XPO6: variants seen among roughly 807,000 people sequenced by gnomAD.
XPO6 encodes exportin 6.
In XPO6, 3 loss-of-function variants were observed where a neutral mutation model predicts 130.0. That is an observed-to-expected ratio of 0.02 (90% CI 0.01 to 0.06). XPO6 has a LOEUF of 0.06. Ranked by LOEUF, XPO6 falls within the 10% of genes least tolerant of loss-of-function variation. The pLI is 1.00. For synonymous variants in XPO6, 524 were observed against 548.9 expected, an observed-to-expected ratio of 0.95 and a Z score of 0.63; for missense variants, 970 against 1,393.0, an observed-to-expected ratio of 0.70 and a Z score of 4.83.
At position 28,098,379 on chromosome 16, in the gene XPO6, G is replaced by T; in HGVS notation, c.*159C>A. 1.6e-6 allele frequency: 1 copy of T among 628,162 alleles called. No homozygotes were observed. The highest frequency in any genetic ancestry group is 2.8e-6 in the Non-Finnish European group (1 of 362,872). The allele number at this position is 628,162 out of a possible 1,614,324, so 38.9% of individuals were successfully genotyped here. A position where few individuals can be genotyped will look rare whatever the true frequency, so the allele number is the denominator to read the frequency against. On this transcript the variant is annotated 3_prime_UTR_variant, in exon 24 of 24. Transcript: ENST00000304658. ...ACCCAGAAGCCAGCTCTGCTGGGCAGCGGCAAGATGTGGAGGAGCGGCAGA... is the reference window on the plus strand; with the variant it reads ...ACCCAGAAGCCAGCTCTGCTGGGCATCGGCAAGATGTGGAGGAGCGGCAGA...
chr16:28,147,170 C>A (rs571202613), intron 8 of XPO6, among the ~76,000 whole-genome samples: 1 of 152,306 alleles, frequency 6.6e-6, no homozygotes, highest in East Asian at 1.9e-4. Context: ...GAAATCTAGA[C>A]GTTTACAAGG....
At chr16:28,204,246 A>T (rs2043993354) in intron 1 of XPO6, among the ~76,000 whole-genome samples, 1 of 152,136 alleles carries the variant, frequency 6.6e-6, no homozygotes, top group South Asian at 2.1e-4. Flanking sequence ...CATTAATAAT[A>T]TTGAGTATAT....
intron 5 of XPO6, among the ~76,000 whole-genome samples, chr16:28,168,590 C>A (rs1462201910): frequency 1.4e-5 from 2 of 142,650 alleles, no homozygotes; most frequent in African/African-American, 2.6e-5. Context: ...ATGCCAAGTT[C>A]TTTTTCTTTT....
intron 1 of XPO6, among the ~76,000 whole-genome samples, chr16:28,208,481 T>A (rs573665622): frequency 6.6e-6 from 1 of 152,156 alleles, no homozygotes; most frequent in Non-Finnish European, 1.5e-5. Context: ...GACCCTGGGA[T>A]ACCTACAGAT....
At chr16:28,157,613 G>A (rs1479248704) in intron 6 of XPO6, among the ~76,000 whole-genome samples, 1 of 152,190 alleles carries the variant, frequency 6.6e-6, no homozygotes, top group Non-Finnish European at 1.5e-5. Context: ...CTACACATCA[G>A]TAAACACAAC....
chr16:28,168,398 G>A (rs921218586), intron 5 of XPO6, among the ~76,000 whole-genome samples: 11 of 151,992 alleles, frequency 7.2e-5, no homozygotes, highest in Admixed American at 1.3e-4. Flanking sequence ...TGGAAGGATC[G>A]CTTAGGCCCC....
intron 21 of XPO6, 110 bp downstream of exon 21, chr16:28,104,436 A>C: frequency 7.4e-7 from 1 of 1,342,646 alleles, no homozygotes; most frequent in South Asian, 1.4e-5. Flanking sequence ...ATCAATACTA[A>C]CAGGCAGAAC....
intron 9 of XPO6, among the ~76,000 whole-genome samples, chr16:28,138,461 C>CA (rs34200953): frequency 0.29 from 44,339 of 151,464 alleles, 6,616 homozygotes; most frequent in African/African-American, 0.34. Flanking sequence ...ACTCTGGCTG[C>CA]AAAAAAAACC....
chr16:28,178,331 A>G (rs895541901), intron 2 of XPO6, among the ~76,000 whole-genome samples: 5 of 152,052 alleles, frequency 3.3e-5, no homozygotes, highest in African/African-American at 7.2e-5. Flanking sequence ...CACTTTGAGA[A>G]GCTGAGGCAG....
chr16:28,104,640 C>T lies in XPO6; in HGVS notation c.2852G>A (p.Arg951Lys). 6.2e-7 allele frequency: 1 copy of T among 1,614,230 alleles called. No individual in the cohort carries two copies. Among genetic ancestry groups the T allele is most frequent in the South Asian group, 1.1e-5 (1 of 91,090 alleles). The change falls in exon 21 of 24, where the codon AGG (arginine) becomes AAG (lysine). Residue 951 changes from arginine (R) to lysine (K), a missense_variant. Coordinates refer to ENST00000304658, the MANE Select transcript of XPO6 (RefSeq NM_015171.4). ...LLFRTLHHNW[R>K]YFFKSTVLAS... ...CAGCACGGTGGACTTGAAGAAGTAC[C>T]TCCAGTTGTGATGGAGCGTCCGGAA...
At chr16:28,171,452 CAAAAAAAAAA>C (rs36000498) in intron 4 of XPO6, among the ~76,000 whole-genome samples, 1 of 99,092 alleles carries the variant, frequency 1.0e-5, no homozygotes, top group African/African-American at 4.1e-5. Flanking sequence ...GACTCTGTCT[CAAAAAAAAAA>C]AAAAAAAAAA....
At chr16:28,189,133 C>G (rs2043744481) in intron 1 of XPO6, among the ~76,000 whole-genome samples, 1 of 151,548 alleles carries the variant, frequency 6.6e-6, no homozygotes, top group Admixed American at 6.6e-5. Flanking sequence ...TTTTGTAGAG[C>G]TGGGGTTTCG....
intron 1 of XPO6, among the ~76,000 whole-genome samples, chr16:28,194,786 C>G (rs746938543): frequency 6.6e-6 from 1 of 152,042 alleles, no homozygotes; most frequent in African/African-American, 2.4e-5. Flanking sequence ...CGCCCAGGGT[C>G]TTTGCTACCT....
At chr16:28,159,024 G>C (rs556653303) in intron 6 of XPO6, among the ~76,000 whole-genome samples, 1 of 152,220 alleles carries the variant, frequency 6.6e-6, no homozygotes, top group African/African-American at 2.4e-5. Flanking sequence ...GAGCCCAGGA[G>C]TTCAAAACCA....
At chr16:28,151,848 C>G (rs2043096644) in intron 8 of XPO6, among the ~76,000 whole-genome samples, 1 of 152,124 alleles carries the variant, frequency 6.6e-6, no homozygotes, top group Admixed American at 6.6e-5. Context: ...GTCAACATAG[C>G]AAGACCCAAT....
intron 7 of XPO6, chr16:28,154,168 C>T (rs1176973342): frequency 1.0e-6 from 1 of 982,844 alleles, no homozygotes; most frequent in Non-Finnish European, 1.2e-6. Context: ...CACTTATGTA[C>T]CGCATGATAG....
intron 6 of XPO6, among the ~76,000 whole-genome samples, chr16:28,161,284 C>A (rs900518432): frequency 2.6e-5 from 4 of 152,202 alleles, no homozygotes; most frequent in South Asian, 4.1e-4. Context: ...CTTTGGGACT[C>A]CCTAAAAGGG....
chr16:28,136,809 C>T (rs780221671), intron 9 of XPO6, among the ~76,000 whole-genome samples: 4 of 152,212 alleles, frequency 2.6e-5, no homozygotes, highest in Non-Finnish European at 4.4e-5. Context: ...TATCCTGAAA[C>T]GCTTCTAAGA....
chr16:28,104,441 C>T, intron 21 of XPO6, 105 bp downstream of exon 21: 1 of 1,384,976 alleles, frequency 7.2e-7, no homozygotes, highest in Non-Finnish European at 9.9e-7. Flanking sequence ...TACTAACAGG[C>T]AGAACTGAGC....
Sources: gnomAD v4.1 joint callset for allele counts (sites outside exome capture counted in the v4.1 genomes callset) on GRCh38, gnomAD v4.1.1 for gene constraint, MANE v1.5 for transcripts, NCBI Gene and HGNC (gene_info 2026-07-23, HGNC 2026-07-21) for gene names.